BMP6: variants seen among roughly 807,000 people sequenced by gnomAD.
The protein encoded by BMP6 is bone morphogenetic protein 6, also known as VG-1-R.
BMP6 carries 17 observed loss-of-function variants against 54.1 expected under a neutral mutation model. That is an observed-to-expected ratio of 0.31 (90% CI 0.22 to 0.47). The LOEUF is 0.47. Ranked by LOEUF, BMP6 falls within the 20% of genes least tolerant of loss-of-function variation. BMP6 has a pLI of 1.00. For missense variants in BMP6, 720 were observed against 690.4 expected (o/e 1.04, Z -0.48); for synonymous variants, 328 against 291.2 (o/e 1.13, Z -1.28).
At chr6:7,793,931 C>T (rs928492123) in intron 1 of BMP6, among the ~76,000 whole-genome samples, 10 of 152,182 alleles carry the variant, frequency 6.6e-5, no homozygotes, top group African/African-American at 1.7e-4. Flanking sequence ...CCACCTAGTC[C>T]AGGCTCGCAT....
chr6:7,782,482 G>A (rs1419394066), intron 1 of BMP6, among the ~76,000 whole-genome samples: 6 of 152,038 alleles, frequency 3.9e-5, no homozygotes, highest in Non-Finnish European at 7.4e-5. Flanking sequence ...AGGCTGAGGC[G>A]GGCAGATTAC....
intron 1 of BMP6, among the ~76,000 whole-genome samples, chr6:7,784,845 G>A (rs1757998723): frequency 1.3e-5 from 2 of 152,250 alleles, no homozygotes; most frequent in Admixed American, 1.3e-4. Flanking sequence ...TCTACCTTGG[G>A]ATTGCACAGT....
intron 1 of BMP6, among the ~76,000 whole-genome samples, chr6:7,823,497 CAATAAATT>C (rs1319446950): frequency 1.3e-5 from 2 of 152,130 alleles, no homozygotes; most frequent in African/African-American, 4.8e-5. Context: ...GAAGAGGTAA[CAATAAATT>C]AATAAATTCA....
At chr6:7,870,876 G>T (rs1759513287) in intron 4 of BMP6, among the ~76,000 whole-genome samples, 1 of 152,196 alleles carries the variant, frequency 6.6e-6, no homozygotes, top group African/African-American at 2.4e-5. Flanking sequence ...CAATCCACCT[G>T]CCTCAGCCTC....
intron 1 of BMP6, among the ~76,000 whole-genome samples, chr6:7,839,497 C>A (rs1409071690): frequency 6.6e-6 from 1 of 152,200 alleles, no homozygotes. Flanking sequence ...CCTGGTATAC[C>A]ATTCTCCTTT....
chr6:7,727,517 C>G lies in BMP6; in HGVS notation c.562C>G (p.Leu188Val). The G allele has an allele frequency of 6.3e-7, 1 of 1,596,240 alleles. No homozygotes were observed. The highest frequency in any genetic ancestry group is 8.5e-7 in the Non-Finnish European group (1 of 1,177,688). Reference sequence around the variant, plus strand: ...GCACCCGCTCAACCGCAAGAGCCTTCTGGCCCCCGGATCTGGCAGCGGCGG... The same window carrying G: ...GCACCCGCTCAACCGCAAGAGCCTTGTGGCCCCCGGATCTGGCAGCGGCGG... The part of the protein sequence containing the change: ...AAHPLNRKSL[L>V]APGSGSGGAS... Residue 188 changes from leucine (L) to valine (V), a missense_variant, in exon 1 of 7, where the codon CTG becomes GTG. Leu to Val is a conservative substitution (Grantham distance 32, BLOSUM62 1). Coordinates refer to ENST00000283147, the MANE Select transcript of BMP6 (RefSeq NM_001718.6).
chr6:7,741,254 C>G (rs914290264), intron 1 of BMP6, among the ~76,000 whole-genome samples: 1 of 152,110 alleles, frequency 6.6e-6, no homozygotes, highest in African/African-American at 2.4e-5. Context: ...GGGGACTTGT[C>G]CTATGCAGAG....
Position 7,777,167 on chromosome 6 carries a change from G to A in BMP6, c.664+49548G>A, listed in dbSNP as rs193149567. 1.3e-3 allele frequency among the ~76,000 whole-genome samples: 204 copies of A among 152,316 alleles called. 2 individuals carry two copies. The highest frequency in any genetic ancestry group is 0.011 in the Admixed American group (176 of 15,306). ...CTTCCACCTGAGAAGGTCATCCTTG[G>A]AACTGGCAGGTGCCTTCTGGATCTG... On this transcript the variant is annotated intron_variant, in intron 1 of 6. Transcript: ENST00000283147.
rs61656035 is a variant in BMP6, at chr6:7,813,086, C to CAAAAAAAAAAAAAAAAA, written c.665-32047_665-32031dup. On this transcript the variant is annotated intron_variant, in intron 1 of 6. Coordinates refer to ENST00000283147, the MANE Select transcript of BMP6 (RefSeq NM_001718.6). ...GCAACATGGCAAAGCCCTGTCTCTA[C>CAAAAAAAAAAAAAAAAA]AAAAAAAAAAAAAAAAAAAAAAATA... is the stretch of plus-strand genomic sequence containing the variant. 6.8e-4 allele frequency among the ~76,000 whole-genome samples: 3 copies of CAAAAAAAAAAAAAAAAA among 4,388 alleles called. 1 individual carries two copies. The highest frequency in any genetic ancestry group is 2.6e-3 in the African/African-American group (2 of 762). 2.9% of individuals were successfully genotyped at this position (4,388 alleles called of 152,430 possible). A position where few individuals can be genotyped will look rare whatever the true frequency, so the allele number is the denominator to read the frequency against.
chr6:7,735,638 T>C (rs1336293503), intron 1 of BMP6, among the ~76,000 whole-genome samples: 1 of 152,158 alleles, frequency 6.6e-6, no homozygotes, highest in Non-Finnish European at 1.5e-5. Flanking sequence ...GAGCAAAATT[T>C]TGCAGAGATT....
intron 1 of BMP6, among the ~76,000 whole-genome samples, chr6:7,756,682 G>A (rs1213078414): frequency 6.6e-6 from 1 of 152,124 alleles, no homozygotes; most frequent in African/African-American, 2.4e-5. Flanking sequence ...TCTGTGCAAC[G>A]AAGTAACTTG....
At chr6:7,815,933 G>T (rs966196045) in intron 1 of BMP6, among the ~76,000 whole-genome samples, 1 of 152,212 alleles carries the variant, frequency 6.6e-6, no homozygotes, top group African/African-American at 2.4e-5. Flanking sequence ...AGTCGTTCTG[G>T]CTGGAAACCA....
At chr6:7,826,056 A>G (rs886402403) in intron 1 of BMP6, among the ~76,000 whole-genome samples, 5 of 152,190 alleles carry the variant, frequency 3.3e-5, no homozygotes, top group Non-Finnish European at 5.9e-5. Flanking sequence ...TCATGGGTGA[A>G]GTGGGCTCCG....
At chr6:7,770,809 A>C (rs1757772175) in intron 1 of BMP6, among the ~76,000 whole-genome samples, 1 of 152,236 alleles carries the variant, frequency 6.6e-6, no homozygotes, top group South Asian at 2.1e-4. Flanking sequence ...TCATCACAGC[A>C]GTGACTCCTA....
In BMP6 at chr6:7,779,474, G is replaced by T. The variant is rs192266549; in HGVS notation, c.664+51855G>T. ...CTACCTCAGCCTCCCGAGTAGCTGG[G>T]ATTACAGGCGCCCACCACCACGCCC... is the stretch of plus-strand genomic sequence containing the variant. On this transcript the variant is annotated intron_variant, in intron 1 of 6. Coordinates refer to ENST00000283147, the MANE Select transcript of BMP6 (RefSeq NM_001718.6). 1.1e-4 allele frequency among the ~76,000 whole-genome samples: 16 copies of T among 152,120 alleles called. No homozygotes were observed. The East Asian group carries it at 2.9e-3, about 28-fold the overall frequency.
chr6:7,867,154 G>T lies in BMP6; in HGVS notation c.1204+4656G>T, dbSNP rs567986250. On this transcript the variant is annotated intron_variant, in intron 4 of 6. Coordinates refer to ENST00000283147, the MANE Select transcript of BMP6 (RefSeq NM_001718.6). ...CCCAAAGTGTTGGGATTACAGGTATGAGCCACCACATCTGGCCAGCATTTT... is the reference window on the plus strand; with the variant it reads ...CCCAAAGTGTTGGGATTACAGGTATTAGCCACCACATCTGGCCAGCATTTT... 6.6e-5 allele frequency among the ~76,000 whole-genome samples: 10 copies of T among 152,282 alleles called. No individual in the cohort carries two copies. In the East Asian group the frequency reaches 1.9e-3, roughly 29 times the overall value.
intron 1 of BMP6, among the ~76,000 whole-genome samples, chr6:7,806,958 G>C: frequency 6.6e-6 from 1 of 152,186 alleles, no homozygotes; most frequent in East Asian, 1.9e-4. Context: ...CCATCGAAAT[G>C]AAAGTTGTCC....
At chr6:7,850,307 T>C (rs903761530) in intron 2 of BMP6, among the ~76,000 whole-genome samples, 1 of 152,202 alleles carries the variant, frequency 6.6e-6, no homozygotes, top group Non-Finnish European at 1.5e-5. Context: ...CATGCCTGGC[T>C]AATTTTGGTT....
chr6:7,792,941 G>A (rs146521951), intron 1 of BMP6, among the ~76,000 whole-genome samples: 5,162 of 152,248 alleles, frequency 0.034, 127 homozygotes, highest in Middle Eastern at 0.13. Flanking sequence ...CTCAAATATA[G>A]TTACGTGTTT....
Sources: allele counts gnomAD v4.1 joint callset (sites outside exome capture counted in the v4.1 genomes callset), GRCh38; gene constraint gnomAD v4.1.1; transcripts MANE v1.5; gene names NCBI Gene and HGNC (gene_info 2026-07-23, HGNC 2026-07-21).